Variants in ZFR observed in about 807,000 individuals in gnomAD.
The protein encoded by ZFR is zinc finger RNA-binding protein.
Under a neutral mutation model 130.7 loss-of-function variants are expected in ZFR, and 19 were observed. The observed-to-expected ratio is 0.15, with a 90% CI of 0.10 to 0.21. The LOEUF (loss-of-function observed/expected upper bound fraction) is 0.21, where lower values mean the gene tolerates loss of function less well. Ranked by LOEUF, ZFR falls within the 10% of genes least tolerant of loss-of-function variation. The pLI is 1.00. For synonymous variants in ZFR, 466 were observed against 456.9 expected (o/e 1.02, Z -0.25); for missense variants, 872 against 1,321.5 (o/e 0.66, Z 5.27).
At position 32,444,339 on chromosome 5, in the gene ZFR, C is replaced by T; in HGVS notation, c.38-11G>A. ...CCAGCCGGCTGGGCACTGCGGCGGG[C>T]ACGAAGAGTCGGGTCCCATGGCGGG... On this transcript the variant is annotated splice_polypyrimidine_tract_variant and intron_variant, in intron 1 of 19. Transcript: ENST00000265069. 1 of 1,534,916 alleles carries T rather than the reference C, an allele frequency of 6.5e-7. No homozygotes were observed. Among genetic ancestry groups the T allele is most frequent in the Non-Finnish European group, 8.8e-7 (1 of 1,139,668 alleles).
intron 17 of ZFR, among the ~76,000 whole-genome samples, chr5:32,366,086 T>C (rs1292825150): frequency 6.6e-6 from 1 of 152,176 alleles, no homozygotes; most frequent in African/African-American, 2.4e-5. Context: ...TTGAACCCAC[T>C]TGCCTAGTAC....
At chr5:32,365,984 C>G (rs564290245) in intron 17 of ZFR, among the ~76,000 whole-genome samples, 1 of 152,196 alleles carries the variant, frequency 6.6e-6, no homozygotes, top group South Asian at 2.1e-4. Context: ...CTAGAAAACT[C>G]TATGTGTATG....
At chr5:32,359,335 T>C (rs1299622367) in intron 19 of ZFR, among the ~76,000 whole-genome samples, 1 of 152,030 alleles carries the variant, frequency 6.6e-6, no homozygotes, top group Non-Finnish European at 1.5e-5. Flanking sequence ...GCCCATCAAC[T>C]ATCATTAGTG....
intron 9 of ZFR, among the ~76,000 whole-genome samples, chr5:32,399,428 T>G (rs1032104383): frequency 6.6e-6 from 1 of 152,206 alleles, no homozygotes; most frequent in Admixed American, 6.5e-5. Context: ...AAAACATATA[T>G]GCTCTAAAGT....
At chr5:32,399,508 T>C (rs1753396196) in intron 9 of ZFR, among the ~76,000 whole-genome samples, 1 of 152,224 alleles carries the variant, frequency 6.6e-6, no homozygotes, top group South Asian at 2.1e-4. Flanking sequence ...CAGTCCCCTC[T>C]GATATCCCTT....
At chr5:32,369,781 C>CA (rs1244656672) in intron 17 of ZFR, among the ~76,000 whole-genome samples, 1 of 152,102 alleles carries the variant, frequency 6.6e-6, no homozygotes, top group Non-Finnish European at 1.5e-5. Flanking sequence ...CACTGCACTC[C>CA]AGCCCGAGTG....
chr5:32,429,250 C>T (rs10461913), intron 2 of ZFR, among the ~76,000 whole-genome samples: 46,841 of 151,974 alleles, frequency 0.31, 7,493 homozygotes, highest in Middle Eastern at 0.43. Context: ...CCTCCCAAAG[C>T]GCTGGGATTA....
intron 14 of ZFR, among the ~76,000 whole-genome samples, chr5:32,386,313 A>C (rs1310313394): frequency 6.6e-6 from 1 of 152,150 alleles, no homozygotes; most frequent in Non-Finnish European, 1.5e-5. Flanking sequence ...GGGTGGCTGG[A>C]AGATTAAATG....
At chr5:32,431,388 C>T (rs1754211796) in intron 2 of ZFR, among the ~76,000 whole-genome samples, 1 of 152,056 alleles carries the variant, frequency 6.6e-6, no homozygotes, top group African/African-American at 2.4e-5. Context: ...TAACTTTAGA[C>T]TAAGTGAAAT....
intron 5 of ZFR, among the ~76,000 whole-genome samples, chr5:32,411,526 T>C (rs954669040): frequency 2.0e-5 from 3 of 151,408 alleles, no homozygotes; most frequent in African/African-American, 7.3e-5. Flanking sequence ...CCGTCTCTAC[T>C]AAAAATACAA....
At chr5:32,374,926 C>G (rs914441584) in intron 17 of ZFR, among the ~76,000 whole-genome samples, 1 of 152,132 alleles carries the variant, frequency 6.6e-6, no homozygotes, top group African/African-American at 2.4e-5. Context: ...TTTGATGCTA[C>G]TAAAACTGCT....
rs1753510936 is a variant in ZFR at position 32,403,353 on chromosome 5, T to C, written c.1269A>G (p.Thr423=). 3 of 1,614,082 alleles carry C rather than the reference T, an allele frequency of 1.9e-6. No individual in the cohort carries two copies. The highest frequency in any genetic ancestry group is 2.5e-6 in the Non-Finnish European group (3 of 1,180,028). The change falls in exon 8 of 20, where the codon ACA becomes ACG. Residue 423 remains threonine (T), a synonymous_variant. Transcript: ENST00000265069. ...TAGCTTGGCTAACAACATTTGGTTC[T>C]GTTGATGGAATGGGTTTACCAAGTT... ...HTKLGKPIPS[T]EPNVVSQATS...
In ZFR at chr5:32,420,084, C is replaced by T; in HGVS notation, c.157G>A (p.Val53Ile). 1.9e-6 allele frequency: 3 copies of T among 1,581,978 alleles called. No individual in the cohort carries two copies. Among genetic ancestry groups the T allele is most frequent in the Non-Finnish European group, 2.6e-6 (3 of 1,158,950 alleles). ...AQYSQQPASG[V>I]AYSHPTTVAS... ...ACTGTAGTTGGATGAGAATAGGCTA[C>T]ACCCGAAGCTGGCTGCTGGCTACAT... The change falls in exon 3 of 20, where the codon GTA becomes ATA. Residue 53 changes from valine (V) to isoleucine (I), a missense_variant. Physicochemically the swap from Val to Ile is conservative, Grantham distance 29. Transcript: ENST00000265069.
chr5:32,395,412 CA>C, intron 10 of ZFR, 108 bp from the exon 11 acceptor site: 1 of 844,348 alleles, frequency 1.2e-6, no homozygotes, highest in African/African-American at 1.8e-5. Context: ...CTTTTAGTTG[CA>C]AGTTTCCCAC....
intron 2 of ZFR, among the ~76,000 whole-genome samples, chr5:32,426,549 T>C (rs1231982427): frequency 7.2e-5 from 11 of 152,236 alleles, no homozygotes; most frequent in Admixed American, 7.2e-4. Context: ...CTTTTACTGC[T>C]TCTATTCAAC....
At chr5:32,437,570 G>A (rs1754367762) in intron 2 of ZFR, among the ~76,000 whole-genome samples, 1 of 152,112 alleles carries the variant, frequency 6.6e-6, no homozygotes, top group African/African-American at 2.4e-5. Context: ...TAATAGTCAA[G>A]CAACCTTTAA....
intron 17 of ZFR, among the ~76,000 whole-genome samples, chr5:32,375,925 C>T (rs1752795505): frequency 6.6e-6 from 1 of 151,440 alleles, no homozygotes; most frequent in Non-Finnish European, 1.5e-5. Context: ...CTCACTGCAA[C>T]CTCCGCCCTG....
chr5:32,390,335 T>C lies in ZFR; in HGVS notation c.2082A>G (p.Pro694=), dbSNP rs1306890724. ...GGACTCCCAGAAGGCCTAATGGGCC[T>C]GGAGGACCATGAGGATAACCTCCAT... The part of the protein sequence containing the change: ...MPDGGYPHGP[P]GPLGLLGVRP... Residue 694 remains proline, a synonymous_variant, in exon 12 of 20, where the codon CCA becomes CCG. Transcript: ENST00000265069. 1.2e-6 allele frequency: 2 copies of C among 1,614,092 alleles called. No individual in the cohort carries two copies. The highest frequency in any genetic ancestry group is 1.7e-6 in the Non-Finnish European group (2 of 1,180,036).
intron 4 of ZFR, among the ~76,000 whole-genome samples, chr5:32,416,496 C>T (rs561555370): frequency 1.3e-5 from 2 of 152,068 alleles, no homozygotes; most frequent in South Asian, 4.1e-4. Context: ...TGCCTGTAAT[C>T]CCAGCTACTT....
Sources: gnomAD v4.1 joint callset for allele counts (sites outside exome capture counted in the v4.1 genomes callset) on GRCh38, gnomAD v4.1.1 for gene constraint, MANE v1.5 for transcripts, NCBI Gene and HGNC (gene_info 2026-07-23, HGNC 2026-07-21) for gene names.